The following SPAG5 variants were observed in gnomAD, a reference collection of about 807,000 sequenced individuals.
SPAG5 encodes the protein sperm associated antigen 5.
SPAG5 carries 99 observed loss-of-function variants against 145.4 expected under a neutral mutation model. The ratio of observed to expected loss-of-function variants is 0.68; its 90% CI spans 0.58 to 0.80. The LOEUF (loss-of-function observed/expected upper bound fraction) is 0.80, where lower values mean the gene tolerates loss of function less well. Ranked by LOEUF, SPAG5 falls within the 30% of genes least tolerant of loss-of-function variation. The pLI is 0.00. For synonymous variants in SPAG5, 477 were observed against 525.4 expected, an observed-to-expected ratio of 0.91 and a Z score of 1.26; for missense variants, 1,192 against 1,416.0, an observed-to-expected ratio of 0.84 and a Z score of 2.54.
chr17:28,586,179 A>G lies in SPAG5; in HGVS notation c.1516T>C (p.Ser506Pro). The G allele has an allele frequency of 6.2e-7, 1 of 1,613,242 alleles. No individual in the cohort carries two copies. Among genetic ancestry groups the G allele is most frequent in the Admixed American group, 1.7e-5 (1 of 60,022 alleles). Residue 506 changes from serine to proline, a missense_variant, in exon 6 of 24, where the codon TCA (serine) becomes CCA (proline). By Grantham distance (74) the Ser-to-Pro change is moderately conservative. Coordinates refer to ENST00000321765, the MANE Select transcript of SPAG5 (RefSeq NM_006461.4). ...AGCTCTTTAGAGATAAGCACCCATGATTGCTGTAGAGAAAAAAATGGGTAG... is the reference window on the plus strand; with the variant it reads ...AGCTCTTTAGAGATAAGCACCCATGGTTGCTGTAGAGAAAAAAATGGGTAG... ...ALQQARNVMQ[S>P]WVLISKELIS...
Position 28,579,449 on chromosome 17 carries a change from C to G in SPAG5, c.2921G>C (p.Ser974Thr). The stretch of plus-strand genomic sequence containing the variant: ...ACTCTGAAGCTCAGTAGTCATAATA[C>G]TCATTTCTGCCAGGCTCTCCTCCAT... ...PGMEESLAEM[S>T]IMTTELQSLC... The change falls in exon 18 of 24, where the codon AGT becomes ACT. Residue 974 changes from serine (S) to threonine (T), a missense_variant. Ser to Thr is a moderately conservative substitution (Grantham distance 58). Transcript: ENST00000321765. 1.2e-6 allele frequency: 2 copies of G among 1,614,088 alleles called. No homozygotes were observed. Among genetic ancestry groups the G allele is most frequent in the Non-Finnish European group, 1.7e-6 (2 of 1,179,970 alleles).
intron 4 of SPAG5, among the ~76,000 whole-genome samples, chr17:28,590,775 A>G (rs2070615033): frequency 6.8e-6 from 1 of 146,374 alleles, no homozygotes; most frequent in Admixed American, 7.1e-5. Flanking sequence ...AGGCTGAGGC[A>G]GGAGAATCGC....
chr17:28,592,637 C>T lies in SPAG5; in HGVS notation c.607G>A (p.Glu203Lys). Residue 203 changes from glutamate to lysine, a missense_variant, in exon 3 of 24, where the codon GAG becomes AAG. Glu to Lys is a moderately conservative substitution (Grantham distance 56, BLOSUM62 1). Coordinates refer to ENST00000321765, the MANE Select transcript of SPAG5 (RefSeq NM_006461.4). ...GAACAGGGATTTGGTGGAGACTCCT[C>T]TAAGAGATGGGACGGAGATTCCTGA... ...IFQESPSHLL[E>K]ESPPNPCSEQ... 1 of 1,614,144 alleles carries T rather than the reference C, an allele frequency of 6.2e-7. No individual in the cohort carries two copies. The highest frequency in any genetic ancestry group is 1.3e-5 in the African/African-American group (1 of 75,066).
rs368564334 is a variant in SPAG5 at position 28,598,655 on chromosome 17, A to G, written c.52-20T>C. On this transcript the variant is annotated intron_variant, in intron 1 of 23. Transcript: ENST00000321765. ...TTTTCCCTGAGAAAGAAACCAAGAAAGAGGGCGAGTGTGAGGAAGCCTGGG... is the reference window on the plus strand; with the variant it reads ...TTTTCCCTGAGAAAGAAACCAAGAAGGAGGGCGAGTGTGAGGAAGCCTGGG... 3 of 1,580,022 alleles carry G rather than the reference A, an allele frequency of 1.9e-6. No individual in the cohort carries two copies. The highest frequency in any genetic ancestry group is 2.7e-5 in the African/African-American group (2 of 73,964).
At position 28,583,974 on chromosome 17, in the gene SPAG5, C is replaced by A; in HGVS notation, c.2425G>T (p.Glu809Ter). Reference protein sequence around the residue: ...LKETLEFADQENQVAHLELGQ... With the variant: ...LKETLEFADQ ...AGCTCCAGGTGAGCAACCTGATTCTCCTGGTCTGCAAACTGGGAAGACAAG... is the reference window on the plus strand; with the variant it reads ...AGCTCCAGGTGAGCAACCTGATTCTACTGGTCTGCAAACTGGGAAGACAAG... The change falls in exon 14 of 24, where the codon GAG becomes TAG. Residue 809 changes from glutamate (E) to a stop codon, truncating the protein, a stop_gained. Coordinates refer to ENST00000321765, the MANE Select transcript of SPAG5 (RefSeq NM_006461.4). LOFTEE classifies it high-confidence loss of function. The A allele has an allele frequency of 6.2e-7, 1 of 1,614,144 alleles. No individual in the cohort carries two copies.
intron 20 of SPAG5, 39 bp from the exon 21 acceptor site, chr17:28,578,567 G>A: frequency 6.2e-7 from 1 of 1,609,398 alleles, no homozygotes. Context: ...TAGGACATAA[G>A]GATAGACAAC....
In SPAG5 at chr17:28,592,681, A is replaced by G; in HGVS notation, c.563T>C (p.Val188Ala). ...MGDRFSEVAAVSEKPIFQESP... is the reference protein window; with the variant it reads ...MGDRFSEVAAASEKPIFQESP... The stretch of plus-strand genomic sequence containing the variant: ...TTCCTGAAAGATAGGTTTCTCAGAT[A>G]CAGCAGCAACTTCTGAAAACCTGTC... Residue 188 changes from valine (V) to alanine (A), a missense_variant, in exon 3 of 24, where the codon GTA (valine) becomes GCA (alanine). By Grantham distance (64) the Val-to-Ala change is moderately conservative. Coordinates refer to ENST00000321765, the MANE Select transcript of SPAG5 (RefSeq NM_006461.4). 1 of 1,614,218 alleles carries G rather than the reference A, an allele frequency of 6.2e-7. No individual in the cohort carries two copies. Among genetic ancestry groups the G allele is most frequent in the South Asian group, 1.1e-5 (1 of 91,092 alleles).
rs759166640 is a variant in SPAG5 at position 28,577,649 on chromosome 17, G to A, written c.*50C>T. ...CCAGTTGGTCTTGGTATTGGGGTAA[G>A]GGGGTATTGCAGGTAAAAAGAGGTG... On this transcript the variant is annotated 3_prime_UTR_variant, in exon 24 of 24. Coordinates refer to ENST00000321765, the MANE Select transcript of SPAG5 (RefSeq NM_006461.4). 2.5e-5 allele frequency: 32 copies of A among 1,283,432 alleles called. No homozygotes were observed. The highest frequency in any genetic ancestry group is 3.5e-5 in the Non-Finnish European group (31 of 878,654). 79.5% of individuals were successfully genotyped at this position (1,283,432 alleles called of 1,614,324 possible).
At chr17:28,590,975 CATG>C (rs1379032655) in intron 4 of SPAG5, among the ~76,000 whole-genome samples, 1 of 151,750 alleles carries the variant, frequency 6.6e-6, no homozygotes, top group African/African-American at 2.4e-5. Context: ...TTCCATTTTC[CATG>C]ATGTGATTAT....
intron 4 of SPAG5, among the ~76,000 whole-genome samples, chr17:28,588,808 A>G (rs1214024470): frequency 1.3e-5 from 2 of 152,044 alleles, no homozygotes; most frequent in African/African-American, 4.8e-5. Flanking sequence ...CAGCCACCCA[A>G]GTAGCTGGGA....
intron 4 of SPAG5, among the ~76,000 whole-genome samples, chr17:28,588,668 T>C (rs1283334770): frequency 1.3e-5 from 2 of 152,288 alleles, no homozygotes; most frequent in African/African-American, 4.8e-5. Flanking sequence ...TGTGTTGTAA[T>C]ACAATCCTCT....
At chr17:28,590,055 T>G (rs372183699) in intron 4 of SPAG5, among the ~76,000 whole-genome samples, 1 of 152,236 alleles carries the variant, frequency 6.6e-6, no homozygotes, top group East Asian at 1.9e-4. Context: ...TAGAGAAATC[T>G]TTTAATCAGT....
chr17:28,578,734 C>A lies in SPAG5; in HGVS notation c.3136G>T (p.Glu1046Ter). 1 of 1,613,848 alleles carries A rather than the reference C, an allele frequency of 6.2e-7. No individual in the cohort carries two copies. The highest frequency in any genetic ancestry group is 8.5e-7 in the Non-Finnish European group (1 of 1,179,808). Residue 1046 changes from glutamate to a stop codon, truncating the protein, a stop_gained, in exon 20 of 24, where the codon GAA becomes TAA. Transcript: ENST00000321765. LOFTEE classifies it high-confidence loss of function. Reference sequence around the variant, plus strand: ...TTCTCATTCTGCTGCTGTATCACTTCCTGGAGCTCCTTTTCATTCTGTGAG... The same window carrying A: ...TTCTCATTCTGCTGCTGTATCACTTACTGGAGCTCCTTTTCATTCTGTGAG... Reference protein sequence around the residue: ...LRYKNEKELQEVIQQQNEKIL... With the variant: ...LRYKNEKELQ
At chr17:28,579,026 A>G (rs974138075) in intron 19 of SPAG5, 115 bp downstream of exon 19, 10 of 882,090 alleles carry the variant, frequency 1.1e-5, no homozygotes, top group Non-Finnish European at 1.8e-5. Flanking sequence ...GGGCAAAACT[A>G]GGGCAGTGGT....
intron 4 of SPAG5, 37 bp from the exon 5 acceptor site, chr17:28,586,536 G>T: frequency 1.3e-6 from 2 of 1,556,052 alleles, no homozygotes; most frequent in Non-Finnish European, 8.9e-7. Context: ...TGTTTTGTTT[G>T]TTTGTTTGTT....
chr17:28,591,973 G>C lies in SPAG5; in HGVS notation c.1262+9C>G. 1 of 1,613,280 alleles carries C rather than the reference G, an allele frequency of 6.2e-7. No homozygotes were observed. ...AACTCACGAGGTGCAAGGACATAGG[G>C]GCGCTTACCCACACAGGAGCTGCTC... On this transcript the variant is annotated intron_variant, in intron 3 of 23. Coordinates refer to ENST00000321765, the MANE Select transcript of SPAG5 (RefSeq NM_006461.4).
At chr17:28,597,185 G>A (rs930810638) in intron 2 of SPAG5, among the ~76,000 whole-genome samples, 1 of 152,310 alleles carries the variant, frequency 6.6e-6, no homozygotes, top group Admixed American at 6.5e-5. Flanking sequence ...GGGAGGCCGA[G>A]GCGGGCGGAC....
chr17:28,595,468 C>A (rs2070657216), intron 2 of SPAG5, among the ~76,000 whole-genome samples: 1 of 152,106 alleles, frequency 6.6e-6, no homozygotes, highest in Non-Finnish European at 1.5e-5. Flanking sequence ...ACAAAACAGG[C>A]CAGGTGCAGT....
At position 28,577,756 on chromosome 17, in the gene SPAG5, A is replaced by T; in HGVS notation, c.3525T>A (p.Ile1175=). The T allele has an allele frequency of 6.2e-7, 1 of 1,613,738 alleles. No homozygotes were observed. The highest frequency in any genetic ancestry group is 1.1e-5 in the South Asian group (1 of 91,066). ...VQHIYKTLLS[I]PEVVRGCKEL... The stretch of plus-strand genomic sequence containing the variant: ...CTTTGCATCCCCTCACCACCTCTGG[A>T]ATAGAGAGCAGGGTCTGGGAAGAGA... Residue 1175 remains isoleucine, a synonymous_variant, in exon 24 of 24, where the codon ATT becomes ATA. Coordinates refer to ENST00000321765, the MANE Select transcript of SPAG5 (RefSeq NM_006461.4).
Sources: allele counts gnomAD v4.1 joint callset (sites outside exome capture counted in the v4.1 genomes callset), GRCh38; gene constraint gnomAD v4.1.1; transcripts MANE v1.5; gene names NCBI Gene and HGNC (gene_info 2026-07-23, HGNC 2026-07-21).